SLC25A21: variants seen among roughly 807,000 people sequenced by gnomAD.
SLC25A21 encodes solute carrier family 25 member 21, also known as mitochondrial 2-oxodicarboxylate carrier.
A neutral mutation model predicts 43.8 loss-of-function variants in SLC25A21; 47 were observed. The ratio of observed to expected loss-of-function variants is 1.07; its 90% CI spans 0.85 to 1.37. SLC25A21 has a LOEUF of 1.37. Ranked by LOEUF, SLC25A21 falls within the 40% of genes most tolerant of loss-of-function variation. The pLI is 0.00. For synonymous variants in SLC25A21, 131 were observed against 121.3 expected, an observed-to-expected ratio of 1.08 and a Z score of -0.52; for missense variants, 352 against 350.2, an observed-to-expected ratio of 1.00 and a Z score of -0.04.
Position 36,679,963 on chromosome 14 carries a change from T to TGC in SLC25A21, c.*694_*695insGC. 1 of 759,450 alleles carries TGC rather than the reference T, an allele frequency of 1.3e-6. No homozygotes were observed. Among genetic ancestry groups the TGC allele is most frequent in the African/African-American group, 4.8e-5 (1 of 20,942 alleles). The allele number at this position is 759,450 out of a possible 1,614,324, so 47.0% of individuals were successfully genotyped here. On this transcript the variant is annotated 3_prime_UTR_variant, in exon 10 of 10. Coordinates refer to ENST00000331299, the MANE Select transcript of SLC25A21 (RefSeq NM_030631.4). ...TTAAACATGCTTAAACAACAGTGTT[T>TGC]TAACATTCTGTTTTAAACAATGTTT...
chr14:36,678,816 T>A lies in SLC25A21; in HGVS notation c.*1842A>T. ...TGAAGTTTCCTTTTCTCCCTCTAGG[T>A]CTTAACAGTGAATTCACATGGAGTA... On this transcript the variant is annotated 3_prime_UTR_variant, in exon 10 of 10. Transcript: ENST00000331299. The A allele has an allele frequency of 1.0e-6, 1 of 1,001,044 alleles. No individual in the cohort carries two copies. Among genetic ancestry groups the A allele is most frequent in the Non-Finnish European group, 1.2e-6 (1 of 831,610 alleles). 62.0% of individuals were successfully genotyped at this position (1,001,044 alleles called of 1,614,324 possible). A position where few individuals can be genotyped will look rare whatever the true frequency, so the allele number is the denominator to read the frequency against.
chr14:37,139,951 T>C (rs1400964099), intron 1 of SLC25A21, among the ~76,000 whole-genome samples: 1 of 152,196 alleles, frequency 6.6e-6, no homozygotes, highest in Non-Finnish European at 1.5e-5. Flanking sequence ...GAAACTAAAA[T>C]GAACATTAGC....
At chr14:36,686,780 A>T (rs999502056) in intron 7 of SLC25A21, among the ~76,000 whole-genome samples, 1 of 152,140 alleles carries the variant, frequency 6.6e-6, no homozygotes, top group Non-Finnish European at 1.5e-5. Flanking sequence ...CCTTCTGGGA[A>T]GTTTGGGAGA....
chr14:36,783,757 A>G (rs951800475), intron 3 of SLC25A21, among the ~76,000 whole-genome samples: 17 of 152,206 alleles, frequency 1.1e-4, no homozygotes, highest in Non-Finnish European at 2.4e-4. Context: ...CTGAGAAAAC[A>G]AAGTATACTT....
chr14:37,146,247 C>A (rs772041191), intron 1 of SLC25A21, among the ~76,000 whole-genome samples: 1 of 152,158 alleles, frequency 6.6e-6, no homozygotes, highest in African/African-American at 2.4e-5. Flanking sequence ...TAGGGATACA[C>A]CAGAGTACCA....
intron 3 of SLC25A21, among the ~76,000 whole-genome samples, chr14:36,796,159 T>C (rs2138410830): frequency 6.6e-6 from 1 of 152,278 alleles, no homozygotes; most frequent in East Asian, 1.9e-4. Context: ...AGGAAGAGAA[T>C]GAAAATGCCA....
At chr14:36,882,067 A>C (rs1890746224) in intron 1 of SLC25A21, among the ~76,000 whole-genome samples, 1 of 152,150 alleles carries the variant, frequency 6.6e-6, no homozygotes, top group African/African-American at 2.4e-5. Context: ...ATTATTTTAC[A>C]TTGTATCACA....
chr14:36,964,099 C>A (rs1315915680), intron 1 of SLC25A21, among the ~76,000 whole-genome samples: 1 of 152,130 alleles, frequency 6.6e-6, no homozygotes, highest in Non-Finnish European at 1.5e-5. Flanking sequence ...AGTTTTATTA[C>A]TTTCTCATAA....
chr14:36,792,574 A>G (rs1480825248), intron 3 of SLC25A21, among the ~76,000 whole-genome samples: 1 of 152,188 alleles, frequency 6.6e-6, no homozygotes, highest in East Asian at 1.9e-4. Flanking sequence ...TCCAAAGTGC[A>G]GGCAACTTCA....
chr14:36,995,386 T>C (rs1468663498), intron 1 of SLC25A21, among the ~76,000 whole-genome samples: 1 of 152,194 alleles, frequency 6.6e-6, no homozygotes, highest in Admixed American at 6.5e-5. Context: ...TTCTGTTTTT[T>C]ATAATAGTAA....
At chr14:37,030,624 C>T (rs1023224510) in intron 1 of SLC25A21, among the ~76,000 whole-genome samples, 5 of 151,948 alleles carry the variant, frequency 3.3e-5, no homozygotes, top group South Asian at 2.1e-4. Context: ...ATTCCCGGGA[C>T]GAATCTAGTA....
chr14:37,109,352 G>T (rs772292941), intron 1 of SLC25A21, among the ~76,000 whole-genome samples: 8 of 149,398 alleles, frequency 5.4e-5, no homozygotes, highest in African/African-American at 9.9e-5. Flanking sequence ...TAGAGAAAAA[G>T]AAAGAATCAA....
rs1054074552 is a variant in SLC25A21 at position 36,960,960 on chromosome 14, A to G, written c.71-85956T>C. On this transcript the variant is annotated intron_variant, in intron 1 of 9. Coordinates refer to ENST00000331299, the MANE Select transcript of SLC25A21 (RefSeq NM_030631.4). The stretch of plus-strand genomic sequence containing the variant: ...CCTAATTGCTCATATGGAATTCAAC[A>G]GCAGTCATGCTGTCCCCACTGTAAA... 7.9e-5 allele frequency among the ~76,000 whole-genome samples: 12 copies of G among 152,328 alleles called. No homozygotes were observed. In the South Asian group the frequency reaches 2.5e-3, roughly 32 times the overall value.
At chr14:36,721,351 G>T (rs1177141950) in intron 6 of SLC25A21, among the ~76,000 whole-genome samples, 1 of 152,152 alleles carries the variant, frequency 6.6e-6, no homozygotes, top group Non-Finnish European at 1.5e-5. Context: ...CTGGGCTAGG[G>T]TCAGGGTAGG....
intron 2 of SLC25A21, among the ~76,000 whole-genome samples, chr14:36,815,758 G>T (rs998210515): frequency 6.6e-6 from 1 of 151,824 alleles, no homozygotes; most frequent in African/African-American, 2.4e-5. Context: ...CATTTCTCCC[G>T]TACCTGAGTT....
At chr14:36,931,322 A>G (rs1033746252) in intron 1 of SLC25A21, among the ~76,000 whole-genome samples, 1 of 151,940 alleles carries the variant, frequency 6.6e-6, no homozygotes, top group Admixed American at 6.6e-5. Context: ...AGAGGCATTC[A>G]CTCTAACCTG....
At chr14:36,930,849 C>A (rs887630182) in intron 1 of SLC25A21, among the ~76,000 whole-genome samples, 2 of 152,138 alleles carry the variant, frequency 1.3e-5, no homozygotes, top group African/African-American at 4.8e-5. Flanking sequence ...ACTACAGCAA[C>A]CTTCTTGTAA....
chr14:36,770,822 T>C, intron 3 of SLC25A21, among the ~76,000 whole-genome samples: 1 of 152,344 alleles, frequency 6.6e-6, no homozygotes, highest in East Asian at 1.9e-4. Context: ...GTTATGTGTA[T>C]AATCAGTCTT....
At chr14:37,146,683 T>C (rs1367319034) in intron 1 of SLC25A21, among the ~76,000 whole-genome samples, 2 of 152,238 alleles carry the variant, frequency 1.3e-5, no homozygotes, top group African/African-American at 2.4e-5. Context: ...CATTCTTACA[T>C]TTAACTAAAC....
Sources: gnomAD v4.1 joint callset for allele counts (sites outside exome capture counted in the v4.1 genomes callset) on GRCh38, gnomAD v4.1.1 for gene constraint, MANE v1.5 for transcripts, NCBI Gene and HGNC (gene_info 2026-07-23, HGNC 2026-07-21) for gene names.